The following SLC34A2 variants were observed in gnomAD, a reference collection of about 807,000 sequenced individuals.
SLC34A2 encodes the protein sodium-dependent phosphate transport protein 2B.
In SLC34A2, 41 loss-of-function variants were observed where a neutral mutation model predicts 50.8. That is an observed-to-expected ratio of 0.81 (90% confidence interval 0.63 to 1.05). The LOEUF (loss-of-function observed/expected upper bound fraction) is 1.05, where lower values mean the gene tolerates loss of function less well. Ranked by LOEUF, SLC34A2 falls within the 50% of genes least tolerant of loss-of-function variation. SLC34A2 has a pLI of 0.00. For missense variants in SLC34A2, 879 were observed against 876.7 expected (o/e 1.00, Z -0.03); for synonymous variants, 401 against 364.2 (o/e 1.10, Z -1.15).
chr4:25,673,573 GA>G (rs1409111893), intron 10 of SLC34A2, among the ~76,000 whole-genome samples: 5 of 152,060 alleles, frequency 3.3e-5, no homozygotes, highest in Non-Finnish European at 7.4e-5. Context: ...AGACCCCTTA[GA>G]AAAAGGACCC....
Position 25,662,602 on chromosome 4 carries a change from G to A in SLC34A2, c.102G>A (p.Glu34=). The A allele has an allele frequency of 6.2e-7, 1 of 1,614,116 alleles. No individual in the cohort carries two copies. Among genetic ancestry groups the A allele is most frequent in the Non-Finnish European group, 8.5e-7 (1 of 1,180,032 alleles). The change falls in exon 2 of 13, where the codon GAG becomes GAA. Residue 34 remains glutamate, a synonymous_variant. Transcript: ENST00000382051. The part of the protein sequence containing the change: ...QQPTAPDKSK[E]TNKTDNTEAP... ...CCACTGCCCCTGATAAAAGCAAAGAGACCAACAAAAGTAAGTGTCGCTCGT... is the reference window on the plus strand; with the variant it reads ...CCACTGCCCCTGATAAAAGCAAAGAAACCAACAAAAGTAAGTGTCGCTCGT...
intron 1 of SLC34A2, among the ~76,000 whole-genome samples, chr4:25,658,557 C>T (rs986972513): frequency 9.2e-5 from 14 of 152,180 alleles, no homozygotes; most frequent in Non-Finnish European, 2.1e-4. Flanking sequence ...CAAGAAAGTT[C>T]CTCTCCTGGG....
intron 11 of SLC34A2, 26 bp downstream of exon 11, chr4:25,674,438 C>T: frequency 6.2e-7 from 1 of 1,614,222 alleles, no homozygotes; most frequent in Non-Finnish European, 8.5e-7. Context: ...GCTTCTCCCT[C>T]TGGCCACCAC....
At position 25,671,581 on chromosome 4, in the gene SLC34A2, T is replaced by A; in HGVS notation, c.928-20T>A. 1 of 1,614,080 alleles carries A rather than the reference T, an allele frequency of 6.2e-7. No homozygotes were observed. Among genetic ancestry groups the A allele is most frequent in the Non-Finnish European group, 8.5e-7 (1 of 1,179,982 alleles). The stretch of plus-strand genomic sequence containing the variant: ...CACTAAAAGCCAGTGTTGTGGGCAT[T>A]TGTCATGTTTGTCATCCAGACCCAG... On this transcript the variant is annotated intron_variant, in intron 8 of 12. Transcript: ENST00000382051.
intron 4 of SLC34A2, among the ~76,000 whole-genome samples, 185 bp from the exon 5 acceptor site, chr4:25,665,943 T>A (rs1714472167): frequency 6.6e-6 from 1 of 152,092 alleles, no homozygotes; most frequent in African/African-American, 2.4e-5. Flanking sequence ...TTTCCTGCCT[T>A]ATCGGGGCAG....
At chr4:25,672,191 G>T (rs6824709) in intron 9 of SLC34A2, among the ~76,000 whole-genome samples, 43,224 of 152,016 alleles carry the variant, frequency 0.28, 7,855 homozygotes, top group East Asian at 0.58. Context: ...TACAAAAAAA[G>T]TAGGCATGGT....
rs1321628742 is a variant in SLC34A2 at position 25,671,694 on chromosome 4, G to A, written c.1021G>A (p.Val341Met). ...DGIQNWTMKN[V>M]TYKENIAKCQ... ...CATCCAAAACTGGACCATGAAGAAT[G>A]TGACCTACAAGGAGAACATCGCCAA... The change falls in exon 9 of 13, where the codon GTG becomes ATG. Residue 341 changes from valine (V) to methionine (M), a missense_variant. Val to Met is a conservative substitution (Grantham distance 21, BLOSUM62 1). Transcript: ENST00000382051. 4.3e-6 allele frequency: 7 copies of A among 1,614,214 alleles called. No individual in the cohort carries two copies. Among genetic ancestry groups the A allele is most frequent in the Non-Finnish European group, 5.9e-6 (7 of 1,180,046 alleles).
intron 4 of SLC34A2, among the ~76,000 whole-genome samples, chr4:25,665,326 C>A (rs1463141748): frequency 1.3e-5 from 2 of 152,014 alleles, no homozygotes; most frequent in Admixed American, 1.3e-4. Flanking sequence ...ACCACCATGC[C>A]TGGCTAATTT....
At chr4:25,668,248 C>G (rs149527883) in intron 6 of SLC34A2, among the ~76,000 whole-genome samples, 2 of 152,188 alleles carry the variant, frequency 1.3e-5, no homozygotes, top group South Asian at 4.1e-4. Context: ...TACAACCCAG[C>G]AGGTGAGTGT....
intron 1 of SLC34A2, among the ~76,000 whole-genome samples, chr4:25,661,623 G>A (rs879942868): frequency 1.3e-5 from 2 of 152,104 alleles, no homozygotes; most frequent in African/African-American, 2.4e-5. Context: ...TCTGACCTCA[G>A]GTGACCCACC....
intron 6 of SLC34A2, among the ~76,000 whole-genome samples, chr4:25,669,173 A>T (rs1197428025): frequency 2.0e-5 from 3 of 152,180 alleles, no homozygotes; most frequent in African/African-American, 7.2e-5. Flanking sequence ...TTTCTGGGAA[A>T]CATGTGATAT....
chr4:25,673,019 G>C, intron 9 of SLC34A2, 68 bp from the exon 10 acceptor site: 1 of 1,512,058 alleles, frequency 6.6e-7, no homozygotes, highest in South Asian at 1.1e-5. Flanking sequence ...GGATCTGGGG[G>C]AATAAATAAC....
rs1214457857 is a variant in SLC34A2 at position 25,677,490 on chromosome 4, T to TG, written c.*745dup. The TG allele has an allele frequency of 1.3e-5, 2 of 152,010 alleles. No homozygotes were observed. Among genetic ancestry groups the TG allele is most frequent in the Non-Finnish European group, 2.9e-5 (2 of 68,034 alleles). The allele number at this position is 152,010 out of a possible 1,614,324, so 9.4% of individuals were successfully genotyped here. ...TCTTGTCTTCCTAAGAGACAGAGAGTGGGGCAGATGGAGGAGAAGAAAGTG... is the reference window on the plus strand; with the variant it reads ...TCTTGTCTTCCTAAGAGACAGAGAGTGGGGGCAGATGGAGGAGAAGAAAGTG... On this transcript the variant is annotated 3_prime_UTR_variant, in exon 13 of 13. Coordinates refer to ENST00000382051, the MANE Select transcript of SLC34A2 (RefSeq NM_006424.3).
chr4:25,667,725 TAGTGAGGTGCAG>T (rs1485738331), intron 5 of SLC34A2, among the ~76,000 whole-genome samples, 143 bp from the exon 6 acceptor site: 4 of 152,116 alleles, frequency 2.6e-5, no homozygotes, highest in Admixed American at 1.3e-4. Flanking sequence ...TTCAGATTCA[TAGTGAGGTGCAG>T]AGTGAGGTGC....
At position 25,677,613 on chromosome 4, in the gene SLC34A2, G is replaced by A. The variant is rs536524288; in HGVS notation, c.*864G>A. On this transcript the variant is annotated 3_prime_UTR_variant, in exon 13 of 13. Transcript: ENST00000382051. ...AAAAGCATTGTGGCTAAAGTCTAAC[G>A]CTCCTCTCTTGGTCAGATAACAAAA... The A allele has an allele frequency of 1.8e-4, 28 of 152,272 alleles. No individual in the cohort carries two copies. The highest frequency in any genetic ancestry group is 6.5e-4 in the African/African-American group (27 of 41,554). 9.4% of individuals were successfully genotyped at this position (152,272 alleles called of 1,614,324 possible). A position where few individuals can be genotyped will look rare whatever the true frequency, so the allele number is the denominator to read the frequency against.
At position 25,676,594 on chromosome 4, in the gene SLC34A2, C is replaced by A. The variant is rs766999791; in HGVS notation, c.1918C>A (p.Arg640Ser). 7 of 1,613,230 alleles carry A rather than the reference C, an allele frequency of 4.3e-6. No individual in the cohort carries two copies. The highest frequency in any genetic ancestry group is 5.9e-6 in the Non-Finnish European group (7 of 1,179,296). Residue 640 changes from arginine to serine, a missense_variant, in exon 13 of 13, where the codon CGC becomes AGC. Coordinates refer to ENST00000382051, the MANE Select transcript of SLC34A2 (RefSeq NM_006424.3). The stretch of plus-strand genomic sequence containing the variant: ...GCTGTGTGACTGCCCCAAGTGCTGC[C>A]GCTGCAGCAAGTGCTGCGAGGACTT... The part of the protein sequence containing the change: ...CLLCDCPKCC[R>S]CSKCCEDLEE...
At chr4:25,662,390 GA>G (rs1714240249) in intron 1 of SLC34A2, 107 bp from the exon 2 acceptor site, 5 of 989,780 alleles carry the variant, frequency 5.1e-6, no homozygotes, top group Non-Finnish European at 7.8e-6. Context: ...GCCTCCGGCC[GA>G]AACCCCCACC....
In SLC34A2 at chr4:25,674,510, G is replaced by A. The variant is rs866816525; in HGVS notation, c.1339G>A (p.Gly447Ser). ...GTGTTTTGTGTTTCCCCCAGGAATC[G>A]GCGTGATAACCATTGAGAGGGCTTA... is the stretch of plus-strand genomic sequence containing the variant. ...TSALTPLIGI[G>S]VITIERAYPL... Residue 447 changes from glycine to serine, a missense_variant, in exon 12 of 13, where the codon GGC becomes AGC. Physicochemically the swap from Gly to Ser is moderately conservative, Grantham distance 56. Coordinates refer to ENST00000382051, the MANE Select transcript of SLC34A2 (RefSeq NM_006424.3). The A allele has an allele frequency of 1.1e-5, 17 of 1,614,030 alleles. No individual in the cohort carries two copies. The African/African-American group carries it at 1.9e-4, about 18-fold the overall frequency.
rs2109063228 is a variant in SLC34A2, at chr4:25,676,772, A to G, written c.*23A>G. 6.2e-7 allele frequency: 1 copy of G among 1,613,800 alleles called. No individual in the cohort carries two copies. Among genetic ancestry groups the G allele is most frequent in the South Asian group, 1.1e-5 (1 of 91,058 alleles). On this transcript the variant is annotated 3_prime_UTR_variant, in exon 13 of 13. Coordinates refer to ENST00000382051, the MANE Select transcript of SLC34A2 (RefSeq NM_006424.3). ...TAGGGGACGCCCCAGATTGTCAGGG[A>G]TGGGGGGATGGTCCTTGAGTTTTGC... is the stretch of plus-strand genomic sequence containing the variant.
Sources: allele counts gnomAD v4.1 joint callset (sites outside exome capture counted in the v4.1 genomes callset), GRCh38; gene constraint gnomAD v4.1.1; transcripts MANE v1.5; gene names NCBI Gene and HGNC (gene_info 2026-07-23, HGNC 2026-07-21).